HDAC9: variants seen among roughly 807,000 people sequenced by gnomAD.
HDAC9 encodes histone deacetylase 9.
In HDAC9, 41 loss-of-function variants were observed where a neutral mutation model predicts 139.4. The ratio of observed to expected loss-of-function variants is 0.29; its 90% CI spans 0.23 to 0.38. The LOEUF is 0.38. Among genes scored for constraint, HDAC9 ranks in the 10% least tolerant of loss-of-function variants. HDAC9 has a pLI of 1.00. For synonymous variants in HDAC9, 517 were observed against 476.2 expected, an observed-to-expected ratio of 1.09 and a Z score of -1.12; for missense variants, 1,147 against 1,297.0, an observed-to-expected ratio of 0.88 and a Z score of 1.78.
chr7:18,591,475 A>ATGTGTGTGTGTATGTG lies in HDAC9; in HGVS notation c.416-30_416-29insATGTGTGTGTGTGTGT, dbSNP rs778702744. 4.1e-6 allele frequency: 6 copies of ATGTGTGTGTGTATGTG among 1,474,030 alleles called. No individual in the cohort carries two copies. In the African/African-American group the frequency reaches 8.7e-5, roughly 21 times the overall value. 91.3% of individuals were successfully genotyped at this position (1,474,030 alleles called of 1,614,324 possible). On this transcript the variant is annotated intron_variant, in intron 4 of 25. Coordinates refer to ENST00000686413, the MANE Select transcript of HDAC9 (RefSeq NM_178425.4). ...CATCAACATCTGTTTCTGTGTGTGT[A>ATGTGTGTGTGTATGTG]TGTGTGTGTGTGTGTGTGTGTGTGT...
chr7:18,928,972 T>C (rs1188136807), intron 22 of HDAC9, among the ~76,000 whole-genome samples: 3 of 152,084 alleles, frequency 2.0e-5, no homozygotes, highest in African/African-American at 7.2e-5. Flanking sequence ...TTTTTTAATA[T>C]AGTTTTTTTT....
chr7:18,232,850 G>T (rs1166281079), intron 2 of HDAC9, among the ~76,000 whole-genome samples: 1 of 152,086 alleles, frequency 6.6e-6, no homozygotes, highest in Non-Finnish European at 1.5e-5. Flanking sequence ...CCCAATTCCT[G>T]AATAAATCCA....
intron 14 of HDAC9, 94 bp from the exon 15 acceptor site, chr7:18,762,063 G>C: frequency 1.5e-6 from 2 of 1,306,604 alleles, no homozygotes; most frequent in Non-Finnish European, 1.1e-6. Flanking sequence ...ATGAAATTCA[G>C]CCCATTATTA....
At chr7:18,194,511 T>C (rs1176704288) in intron 2 of HDAC9, among the ~76,000 whole-genome samples, 2 of 152,128 alleles carry the variant, frequency 1.3e-5, no homozygotes, top group African/African-American at 4.8e-5. Context: ...TATCCCAAAC[T>C]GAAAAAAACC....
chr7:18,675,375 C>G (rs1165101206), intron 12 of HDAC9, among the ~76,000 whole-genome samples: 1 of 152,010 alleles, frequency 6.6e-6, no homozygotes, highest in African/African-American at 2.4e-5. Context: ...TCTGCCAAGC[C>G]TCTGTTTACT....
At chr7:18,853,014 C>T (rs978869668) in intron 21 of HDAC9, among the ~76,000 whole-genome samples, 1 of 152,058 alleles carries the variant, frequency 6.6e-6, no homozygotes, top group East Asian at 1.9e-4. Flanking sequence ...AGCGCACACT[C>T]TTCTTTTGGG....
chr7:18,553,412 A>G (rs1817752551), intron 2 of HDAC9, among the ~76,000 whole-genome samples: 1 of 152,236 alleles, frequency 6.6e-6, no homozygotes, highest in South Asian at 2.1e-4. Context: ...GTAAAGATTC[A>G]GTAAAAAATA....
chr7:18,925,324 A>G (rs563799720), intron 22 of HDAC9, among the ~76,000 whole-genome samples: 1 of 152,252 alleles, frequency 6.6e-6, no homozygotes, highest in East Asian at 1.9e-4. Flanking sequence ...ATGTTCTTAT[A>G]ACTTGGGAAG....
At chr7:18,988,764 A>G (rs1364799850) in intron 25 of HDAC9, among the ~76,000 whole-genome samples, 1 of 151,678 alleles carries the variant, frequency 6.6e-6, no homozygotes, top group Non-Finnish European at 1.5e-5. Context: ...GGGTGCATAT[A>G]TATTTAGGAT....
At position 18,435,115 on chromosome 7, in the gene HDAC9, G is replaced by A. The variant is rs545768283; in HGVS notation, c.-41-61147G>A. On this transcript the variant is annotated intron_variant, in intron 1 of 3. Transcript: ENST00000413509. ...TCATGTCTTTTGCTGCGACATGGATGGAGCTAGAGGCCATTATCCTAAGTG... is the reference window on the plus strand; with the variant it reads ...TCATGTCTTTTGCTGCGACATGGATAGAGCTAGAGGCCATTATCCTAAGTG... 1.9e-4 allele frequency among the ~76,000 whole-genome samples: 28 copies of A among 145,838 alleles called. No individual in the cohort carries two copies. The South Asian group carries it at 6.2e-3, about 32-fold the overall frequency.
intron 25 of HDAC9, among the ~76,000 whole-genome samples, chr7:18,980,822 CT>C (rs1222787212): frequency 9.5e-5 from 14 of 147,660 alleles, no homozygotes; most frequent in South Asian, 4.3e-4. Context: ...CCTCCGTCTC[CT>C]TCTTCTTCTT....
intron 15 of HDAC9, among the ~76,000 whole-genome samples, chr7:18,763,002 C>G (rs543320965): frequency 6.6e-6 from 1 of 152,038 alleles, no homozygotes; most frequent in East Asian, 1.9e-4. Flanking sequence ...GTTTTATTAA[C>G]TTTTTATAAG....
chr7:18,170,949 G>A (rs1370880162), intron 2 of HDAC9, among the ~76,000 whole-genome samples: 12 of 152,092 alleles, frequency 7.9e-5, no homozygotes, highest in Non-Finnish European at 1.6e-4. Flanking sequence ...GGTTCCATAC[G>A]AACTTTAAAG....
chr7:18,851,596 T>G (rs1797301613), intron 21 of HDAC9: 1 of 152,214 alleles, frequency 6.6e-6, no homozygotes. Context: ...TATTACCTCT[T>G]AGTAATTATC....
intron 1 of HDAC9, among the ~76,000 whole-genome samples, chr7:18,103,176 C>T (rs185285455): frequency 1.4e-4 from 22 of 152,180 alleles, no homozygotes; most frequent in African/African-American, 5.3e-4. Flanking sequence ...GAGACTTGTT[C>T]ACTACCATGG....
chr7:18,258,518 A>T (rs1215721719), intron 2 of HDAC9, among the ~76,000 whole-genome samples: 1 of 152,130 alleles, frequency 6.6e-6, no homozygotes, highest in African/African-American at 2.4e-5. Flanking sequence ...AGAGTCCATT[A>T]GCAGGGGCAA....
intron 1 of HDAC9, among the ~76,000 whole-genome samples, chr7:18,125,953 C>G (rs1415934702): frequency 6.6e-6 from 1 of 152,178 alleles, no homozygotes; most frequent in African/African-American, 2.4e-5. Context: ...CTGAGTCTAT[C>G]TGGCTATCAT....
At chr7:18,967,046 C>T (rs1020365964) in intron 24 of HDAC9, among the ~76,000 whole-genome samples, 2 of 152,082 alleles carry the variant, frequency 1.3e-5, no homozygotes, top group Non-Finnish European at 2.9e-5. Context: ...AAATGTTTGT[C>T]GATATTCATT....
Position 18,930,039 on chromosome 7 carries a change from G to T in HDAC9, c.2804-5770G>T, listed in dbSNP as rs563858821. Among the ~76,000 whole-genome samples the T allele has an allele frequency of 3.2e-4, 48 of 152,284 alleles. No individual in the cohort carries two copies. In the South Asian group the frequency reaches 8.3e-3, roughly 26 times the overall value. On this transcript the variant is annotated intron_variant, in intron 22 of 25. Coordinates refer to ENST00000686413, the MANE Select transcript of HDAC9 (RefSeq NM_178425.4). ...GTCAATACAGGTAATAGGGATGTCT[G>T]TCAAGGCTGATTTTTAGTCAGTGCA... is the stretch of plus-strand genomic sequence containing the variant.
Sources: gnomAD v4.1 joint callset for allele counts (sites outside exome capture counted in the v4.1 genomes callset) on GRCh38, gnomAD v4.1.1 for gene constraint, MANE v1.5 for transcripts, NCBI Gene and HGNC (gene_info 2026-07-23, HGNC 2026-07-21) for gene names.